The following SLC26A7 variants were observed in gnomAD, a reference collection of about 807,000 sequenced individuals.
The protein encoded by SLC26A7 is solute carrier family 26 member 7.
In SLC26A7, 59 loss-of-function variants were observed where a neutral mutation model predicts 82.5. The ratio of observed to expected loss-of-function variants is 0.72; its 90% CI spans 0.58 to 0.89. The LOEUF (loss-of-function observed/expected upper bound fraction) is 0.89. Among genes scored for constraint, SLC26A7 ranks in the 40% least tolerant of loss-of-function variants. The pLI, the probability that SLC26A7 is intolerant of heterozygous loss-of-function variation, is 0.00. For synonymous variants in SLC26A7, 271 were observed against 274.3 expected (o/e 0.99, Z 0.12); for missense variants, 820 against 793.0 (o/e 1.03, Z -0.41).
chr8:91,395,092 G>C lies in SLC26A7; in HGVS notation c.1966G>C (p.Val656Leu). Residue 656 changes from valine (V) to leucine (L), a missense_variant, in exon 19 of 19, where the codon GTC becomes CTC. Physicochemically the swap from Val to Leu is conservative, Grantham distance 32. Transcript: ENST00000276609. ...NLSKLSDHSE[V>L] is the part of the protein sequence containing the mutation. ...GAGCAAACTCAGTGACCACAGTGAA[G>C]TCTGAGACCCTTTTGTCACAGTACA... is the stretch of plus-strand genomic sequence containing the variant. 6.2e-7 allele frequency: 1 copy of C among 1,613,426 alleles called. No homozygotes were observed. Among genetic ancestry groups the C allele is most frequent in the Non-Finnish European group, 8.5e-7 (1 of 1,179,406 alleles).
chr8:91,353,013 C>G lies in SLC26A7; in HGVS notation c.1314+17C>G. 1 of 1,554,504 alleles carries G rather than the reference C, an allele frequency of 6.4e-7. No homozygotes were observed. Among genetic ancestry groups the G allele is most frequent in the Non-Finnish European group, 8.8e-7 (1 of 1,135,446 alleles). On this transcript the variant is annotated intron_variant, in intron 11 of 18. Coordinates refer to ENST00000276609, the MANE Select transcript of SLC26A7 (RefSeq NM_052832.4). Reference sequence around the variant, plus strand: ...ATCGATTGGGTAAGTAGAAATTTGACCTAAAACAATCCCTTTTTAGCTTAA... The same window carrying G: ...ATCGATTGGGTAAGTAGAAATTTGAGCTAAAACAATCCCTTTTTAGCTTAA...
chr8:91,334,563 T>C (rs1211836097), intron 6 of SLC26A7, 116 bp downstream of exon 6: 14 of 858,448 alleles, frequency 1.6e-5, no homozygotes, highest in Non-Finnish European at 2.0e-5. Context: ...CTGTCTCTCA[T>C]TAAAGCAGGG....
intron 15 of SLC26A7, 75 bp downstream of exon 15, chr8:91,369,908 C>A: frequency 9.7e-6 from 11 of 1,133,698 alleles, no homozygotes; most frequent in Non-Finnish European, 1.4e-5. Context: ...ATCTTCTTCC[C>A]CTTCTCCTCC....
intron 2 of SLC26A7, among the ~76,000 whole-genome samples, chr8:91,274,267 C>T (rs1284824288): frequency 6.6e-6 from 1 of 152,134 alleles, no homozygotes; most frequent in East Asian, 1.9e-4. Context: ...TCCACAAAGA[C>T]AAAGATTTTT....
chr8:91,359,799 C>A (rs1813996473), intron 11 of SLC26A7, among the ~76,000 whole-genome samples: 1 of 151,920 alleles, frequency 6.6e-6, no homozygotes, highest in South Asian at 2.1e-4. Flanking sequence ...AGGCTATATA[C>A]CCAATACGTA....
intron 12 of SLC26A7, among the ~76,000 whole-genome samples, chr8:91,363,080 A>T (rs1022972697): frequency 6.6e-6 from 1 of 152,006 alleles, no homozygotes; most frequent in Admixed American, 6.6e-5. Flanking sequence ...ATCTCTATAG[A>T]GTCTTTCTTT....
At chr8:91,235,694 T>G (rs1437253691) in intron 2 of SLC26A7, among the ~76,000 whole-genome samples, 1 of 152,230 alleles carries the variant, frequency 6.6e-6, no homozygotes, top group African/African-American at 2.4e-5. Context: ...TTAAAATATA[T>G]GTATTTCTCA....
intron 2 of SLC26A7, among the ~76,000 whole-genome samples, chr8:91,267,539 A>G (rs1204465063): frequency 6.6e-6 from 1 of 151,740 alleles, no homozygotes; most frequent in Non-Finnish European, 1.5e-5. Flanking sequence ...TTCCCAATTC[A>G]TTGGTCAATA....
At chr8:91,353,040 C>A in intron 11 of SLC26A7, 44 bp downstream of exon 11, 1 of 1,345,342 alleles carries the variant, frequency 7.4e-7, no homozygotes, top group Non-Finnish European at 1.0e-6. Flanking sequence ...TTAGCTTAAG[C>A]TTATGTTACC....
intron 2 of SLC26A7, among the ~76,000 whole-genome samples, chr8:91,273,215 A>G (rs916330336): frequency 6.6e-6 from 1 of 152,174 alleles, no homozygotes; most frequent in African/African-American, 2.4e-5. Flanking sequence ...GAGGGACCAA[A>G]ATAAACAATT....
At chr8:91,258,033 C>G (rs1273974643) in intron 2 of SLC26A7, among the ~76,000 whole-genome samples, 4 of 151,994 alleles carry the variant, frequency 2.6e-5, no homozygotes, top group African/African-American at 9.7e-5. Flanking sequence ...GAGACTCACT[C>G]ATTATCATGA....
intron 2 of SLC26A7, among the ~76,000 whole-genome samples, chr8:91,277,867 C>T (rs1409252615): frequency 2.6e-5 from 4 of 152,042 alleles, no homozygotes; most frequent in Non-Finnish European, 5.9e-5. Flanking sequence ...TATTCCCCCC[C>T]AAATTAGTGA....
intron 5 of SLC26A7, among the ~76,000 whole-genome samples, chr8:91,327,736 T>C (rs1396704114): frequency 2.0e-5 from 3 of 152,192 alleles, no homozygotes; most frequent in African/African-American, 7.2e-5. Flanking sequence ...TGTGCTAATT[T>C]TACTAATGCT....
chr8:91,235,276 G>A (rs1266403947), intron 2 of SLC26A7, among the ~76,000 whole-genome samples: 1 of 152,022 alleles, frequency 6.6e-6, no homozygotes, highest in African/African-American at 2.4e-5. Context: ...TGGTCATTGA[G>A]GGCTTAGTCC....
intron 16 of SLC26A7, among the ~76,000 whole-genome samples, chr8:91,390,605 C>T (rs1374133933): frequency 6.6e-6 from 1 of 152,032 alleles, no homozygotes; most frequent in African/African-American, 2.4e-5. Flanking sequence ...GTTTACTTCC[C>T]AGAGGTTTTC....
At chr8:91,287,822 C>T (rs558464610) in intron 2 of SLC26A7, among the ~76,000 whole-genome samples, 1 of 152,272 alleles carries the variant, frequency 6.6e-6, no homozygotes, top group Admixed American at 6.5e-5. Flanking sequence ...ATTTAGCCTG[C>T]CAATACTAAT....
At chr8:91,269,166 C>T (rs1194403904) in intron 2 of SLC26A7, among the ~76,000 whole-genome samples, 4 of 151,950 alleles carry the variant, frequency 2.6e-5, no homozygotes, top group Admixed American at 2.6e-4. Context: ...TTTTTGTATG[C>T]TCACTTTTAC....
At chr8:91,389,705 A>G (rs186514941) in intron 16 of SLC26A7, among the ~76,000 whole-genome samples, 21 of 152,284 alleles carry the variant, frequency 1.4e-4, no homozygotes, top group Non-Finnish European at 2.8e-4. Context: ...TAGACTTGAG[A>G]TACAGTGGGC....
At chr8:91,247,320 T>C (rs1303287216), upstream of SLC26A7, among the ~76,000 whole-genome samples, 2 of 152,186 alleles carry the variant, frequency 1.3e-5, no homozygotes, top group East Asian at 3.8e-4. Context: ...CTACTTTTAG[T>C]CATTGAAACT....
Sources: allele counts gnomAD v4.1 joint callset (sites outside exome capture counted in the v4.1 genomes callset), GRCh38; gene constraint gnomAD v4.1.1; transcripts MANE v1.5; gene names NCBI Gene and HGNC (gene_info 2026-07-23, HGNC 2026-07-21).